ELOVL5: variants seen among roughly 807,000 people sequenced by gnomAD.
ELOVL5 encodes very long chain fatty acid elongase 5.
In ELOVL5, 8 loss-of-function variants were observed where a neutral mutation model predicts 38.6. The observed-to-expected ratio is 0.21, with a 90% CI of 0.12 to 0.37. The LOEUF (loss-of-function observed/expected upper bound fraction) is 0.37, where lower values mean the gene tolerates loss of function less well. Among genes scored for constraint, ELOVL5 ranks in the 10% least tolerant of loss-of-function variants. The pLI is 1.00. For synonymous variants in ELOVL5, 127 were observed against 133.7 expected (o/e 0.95, Z 0.34); for missense variants, 280 against 367.8 (o/e 0.76, Z 1.95).
chr6:53,323,576 CTTTTTTTTTTTT>C (rs3063792), intron 1 of ELOVL5, among the ~76,000 whole-genome samples: 2 of 81,544 alleles, frequency 2.5e-5, no homozygotes, highest in Admixed American at 1.7e-4. Flanking sequence ...TACTAGCCAG[CTTTTTTTTTTTT>C]TTTTTTTTTT....
chr6:53,322,599 TAAAC>T (rs1448639151), intron 1 of ELOVL5, among the ~76,000 whole-genome samples: 2 of 152,150 alleles, frequency 1.3e-5, no homozygotes, highest in African/African-American at 4.8e-5. Flanking sequence ...ACACCTAGAA[TAAAC>T]AAACAGCATA....
chr6:53,295,077 G>T (rs1461205477), intron 2 of ELOVL5, among the ~76,000 whole-genome samples: 1 of 152,108 alleles, frequency 6.6e-6, no homozygotes. Context: ...GATTCTTTTT[G>T]TCTGTTTAAA....
At chr6:53,299,843 C>G (rs1407600354) in intron 1 of ELOVL5, among the ~76,000 whole-genome samples, 1 of 152,172 alleles carries the variant, frequency 6.6e-6, no homozygotes, top group Non-Finnish European at 1.5e-5. Flanking sequence ...GACTGCATTT[C>G]TTCTCGGCTT....
chr6:53,346,692 G>C (rs1294455522), intron 1 of ELOVL5, among the ~76,000 whole-genome samples: 1 of 152,130 alleles, frequency 6.6e-6, no homozygotes, highest in South Asian at 2.1e-4. Flanking sequence ...TACCCACCTA[G>C]GCACCAAAGT....
At chr6:53,305,267 T>G (rs1418155725) in intron 1 of ELOVL5, among the ~76,000 whole-genome samples, 1 of 111,038 alleles carries the variant, frequency 9.0e-6, no homozygotes, top group African/African-American at 3.6e-5. Context: ...CACTTCCCAG[T>G]AGGGGCGGCC....
intron 1 of ELOVL5, among the ~76,000 whole-genome samples, chr6:53,320,991 G>A (rs372685382): frequency 6.6e-6 from 1 of 152,168 alleles, no homozygotes. Context: ...GGAGACCCAT[G>A]AGAAAAATAG....
rs575601748 is a variant in ELOVL5, at chr6:53,273,481, A to T, written c.497-137T>A. The T allele has an allele frequency of 2.1e-5, 16 of 759,196 alleles. No individual in the cohort carries two copies. The South Asian group carries it at 2.9e-4, about 14-fold the overall frequency. 47.0% of individuals were successfully genotyped at this position (759,196 alleles called of 1,614,324 possible). Reference sequence around the variant, plus strand: ...TCCAACGGAGCTGACAAACACTGCAACAGCAAGCAATGCATGGATGTGTAA... The same window carrying T: ...TCCAACGGAGCTGACAAACACTGCATCAGCAAGCAATGCATGGATGTGTAA... On this transcript the variant is annotated intron_variant, in intron 5 of 7. Coordinates refer to ENST00000304434, the MANE Select transcript of ELOVL5 (RefSeq NM_021814.5).
chr6:53,287,973 T>C, intron 3 of ELOVL5: 1 of 1,517,222 alleles, frequency 6.6e-7, no homozygotes, highest in Non-Finnish European at 8.8e-7. Context: ...TCCTCTCTGC[T>C]TAGGGTCTAA....
intron 1 of ELOVL5, among the ~76,000 whole-genome samples, chr6:53,305,196 C>T (rs574925807): frequency 0.02 from 2,822 of 142,492 alleles, 108 homozygotes; most frequent in African/African-American, 0.071. Flanking sequence ...GCTGGCTGGG[C>T]GCGGGGCTGA....
rs146517296 is a variant in ELOVL5 at position 53,269,836 on chromosome 6, C to T, written c.757-566G>A. On this transcript the variant is annotated intron_variant, in intron 7 of 7. Coordinates refer to ENST00000304434, the MANE Select transcript of ELOVL5 (RefSeq NM_021814.5). ...AACTATGAAGCCCAGAAGTATATGA[C>T]TTCCACTGAAACTCAACATGCCACA... Among the ~76,000 whole-genome samples, 10 of 152,356 alleles carry T rather than the reference C, an allele frequency of 6.6e-5. No individual in the cohort carries two copies. The East Asian group carries it at 1.9e-3, about 29-fold the overall frequency.
chr6:53,271,787 A>C (rs1462096075), intron 6 of ELOVL5, among the ~76,000 whole-genome samples: 1 of 151,950 alleles, frequency 6.6e-6, no homozygotes, highest in African/African-American at 2.4e-5. Context: ...TAAGGTTAGT[A>C]CTGCAGACTG....
intron 3 of ELOVL5, among the ~76,000 whole-genome samples, chr6:53,280,594 G>A (rs998304381): frequency 3.3e-5 from 5 of 152,158 alleles, no homozygotes; most frequent in African/African-American, 1.2e-4. Flanking sequence ...AATTCATGGA[G>A]TGAATCTTTT....
chr6:53,313,576 G>A (rs1422606256), intron 1 of ELOVL5, among the ~76,000 whole-genome samples: 1 of 152,022 alleles, frequency 6.6e-6, no homozygotes, highest in Non-Finnish European at 1.5e-5. Flanking sequence ...TGCCCAGGCT[G>A]GTCTTGAACT....
At chr6:53,288,038 G>T in intron 3 of ELOVL5, 1 of 1,062,090 alleles carries the variant, frequency 9.4e-7, no homozygotes, top group Non-Finnish European at 1.4e-6. Context: ...TTCACATGAG[G>T]ACAGAGCATC....
chr6:53,304,504 G>A (rs537613270), intron 1 of ELOVL5, among the ~76,000 whole-genome samples: 5 of 152,144 alleles, frequency 3.3e-5, no homozygotes, highest in Non-Finnish European at 7.4e-5. Context: ...AGGGGGATTT[G>A]GCAGGGTCAT....
intron 1 of ELOVL5, among the ~76,000 whole-genome samples, chr6:53,306,936 T>G (rs1454793732): frequency 6.6e-6 from 1 of 152,168 alleles, no homozygotes; most frequent in Non-Finnish European, 1.5e-5. Context: ...AGAACTTTGC[T>G]GACAGTAACT....
At chr6:53,309,100 C>G (rs1405306737) in intron 1 of ELOVL5, among the ~76,000 whole-genome samples, 1 of 152,076 alleles carries the variant, frequency 6.6e-6, no homozygotes, top group Non-Finnish European at 1.5e-5. Flanking sequence ...AGAAATATTA[C>G]TATCAGTAGA....
intron 3 of ELOVL5, among the ~76,000 whole-genome samples, chr6:53,276,572 A>G (rs1766138411): frequency 6.6e-6 from 1 of 152,112 alleles, no homozygotes; most frequent in Non-Finnish European, 1.5e-5. Context: ...AGACCAAGCC[A>G]ATCACAGGCT....
chr6:53,317,673 T>G (rs1363025607), intron 1 of ELOVL5, among the ~76,000 whole-genome samples: 1 of 151,844 alleles, frequency 6.6e-6, no homozygotes, highest in African/African-American at 2.4e-5. Flanking sequence ...AGGGATAGCA[T>G]TAGGAGATAT....
Sources: gnomAD v4.1 joint callset for allele counts (sites outside exome capture counted in the v4.1 genomes callset) on GRCh38, gnomAD v4.1.1 for gene constraint, MANE v1.5 for transcripts, NCBI Gene and HGNC (gene_info 2026-07-23, HGNC 2026-07-21) for gene names.